The following CEP152 variants were observed in gnomAD, a reference collection of about 807,000 sequenced individuals.
CEP152 encodes centrosomal protein of 152 kDa.
A neutral mutation model predicts 188.9 loss-of-function variants in CEP152; 132 were observed. The observed-to-expected ratio is 0.70, with a 90% CI of 0.61 to 0.81. The LOEUF is 0.81. CEP152 is among the 30% of genes least tolerant of loss of function. The probability of loss-of-function intolerance (pLI) is 0.00; values close to 1 mark genes in which losing one functional copy is unlikely to be tolerated. For synonymous variants in CEP152, 649 were observed against 666.6 expected (o/e 0.97, Z 0.41); for missense variants, 1,914 against 1,969.8 (o/e 0.97, Z 0.54).
intron 21 of CEP152, among the ~76,000 whole-genome samples, chr15:48,748,811 A>T (rs1045228353): frequency 3.4e-4 from 52 of 152,052 alleles, no homozygotes; most frequent in Admixed American, 2.0e-3. Context: ...GACTTGGAGC[A>T]TATTAATTAA....
Position 48,741,630 on chromosome 15 carries a change from C to T in CEP152, c.4064G>A (p.Ser1355Asn), listed in dbSNP as rs980330690. Residue 1355 changes from serine to asparagine, a missense_variant, in exon 26 of 27, where the codon AGT (serine) becomes AAT (asparagine). Coordinates refer to ENST00000380950, the MANE Select transcript of CEP152 (RefSeq NM_001194998.2). ...CTGTGTAGTTTTGCTTTGGGACTTA[C>T]TAGAAATAGGTGTTTCCAGTAATTT... is the stretch of plus-strand genomic sequence containing the variant. ...MAKLLETPIS[S>N]KSQSKTTQSA... The T allele has an allele frequency of 6.2e-7, 1 of 1,614,150 alleles. No individual in the cohort carries two copies.
intron 19 of CEP152, among the ~76,000 whole-genome samples, chr15:48,758,521 C>T (rs558058630): frequency 3.4e-4 from 51 of 152,114 alleles, no homozygotes; most frequent in African/African-American, 1.1e-3. Context: ...GAGTTCAAGA[C>T]CAGCCTGGCC....
At chr15:48,749,285 C>T (rs1893705161) in intron 21 of CEP152, among the ~76,000 whole-genome samples, 1 of 151,858 alleles carries the variant, frequency 6.6e-6, no homozygotes, top group South Asian at 2.1e-4. Context: ...ATGCTTAGTG[C>T]CAACTGGGAT....
chr15:48,789,884 T>C (rs1788286028), intron 8 of CEP152, among the ~76,000 whole-genome samples: 1 of 152,216 alleles, frequency 6.6e-6, no homozygotes, highest in Non-Finnish European at 1.5e-5. Context: ...ACTTCTGACC[T>C]CCAGAACTGT....
rs1555423639 is a variant in CEP152 at position 48,777,494 on chromosome 15, G to GTGTC, written c.1577+3698_1577+3701dup. Among the ~76,000 whole-genome samples the GTGTC allele has an allele frequency of 4.3e-3, 649 of 151,380 alleles. 1 individual carries two copies. Among genetic ancestry groups the GTGTC allele is most frequent in the African/African-American group, 0.015 (620 of 41,238 alleles). On this transcript the variant is annotated intron_variant, in intron 12 of 26. Transcript: ENST00000380950. ...TGTGTGTGTGTGTGTGTGTGTGTGT[G>GTGTC]TGTCTGTGTGTATGGGTGTGCGAGA...
chr15:48,757,491 G>T (rs1021815719), intron 19 of CEP152, among the ~76,000 whole-genome samples: 5 of 152,132 alleles, frequency 3.3e-5, no homozygotes, highest in African/African-American at 1.2e-4. Context: ...AATCTCTTTG[G>T]CACTAACATC....
At position 48,762,464 on chromosome 15, in the gene CEP152, A is replaced by G. The variant is rs929214069; in HGVS notation, c.2489T>C (p.Ile830Thr). The G allele has an allele frequency of 3.1e-6, 5 of 1,613,930 alleles. No homozygotes were observed. The highest frequency in any genetic ancestry group is 3.4e-6 in the Non-Finnish European group (4 of 1,179,968). Residue 830 changes from isoleucine to threonine, a missense_variant, in exon 18 of 27, where the codon ATA becomes ACA. Transcript: ENST00000380950. ...IQQNLEQEKD[I>T]AIKGAMKKLE... ...TTTCTTCATAGCCCCCTTGATGGCTATGTCCTTCTCTTGTTCTAAGTTTTG... is the reference window on the plus strand; with the variant it reads ...TTTCTTCATAGCCCCCTTGATGGCTGTGTCCTTCTCTTGTTCTAAGTTTTG...
intron 9 of CEP152, among the ~76,000 whole-genome samples, chr15:48,788,485 C>T (rs1409726802): frequency 3.3e-5 from 5 of 151,816 alleles, no homozygotes; most frequent in African/African-American, 1.2e-4. Flanking sequence ...AGGCACGCAC[C>T]ACTGCGCCCG....
At chr15:48,749,288 AC>A (rs1268710189) in intron 21 of CEP152, among the ~76,000 whole-genome samples, 1 of 152,082 alleles carries the variant, frequency 6.6e-6, no homozygotes, top group African/African-American at 2.4e-5. Flanking sequence ...CTTAGTGCCA[AC>A]TGGGATAAAT....
chr15:48,736,964 GAGAAGGAGCATTGTATCTTCAGGA>G (rs1892635080), downstream of CEP152, among the ~76,000 whole-genome samples: 1 of 152,160 alleles, frequency 6.6e-6, no homozygotes, highest in African/African-American at 2.4e-5. Flanking sequence ...CTAACTGTTG[GAGAAGGAGCATTGTATCTTCAGGA>G]ATACAAGTGA....
chr15:48,758,288 C>T (rs1181919574), intron 19 of CEP152, among the ~76,000 whole-genome samples: 1 of 152,178 alleles, frequency 6.6e-6, no homozygotes, highest in East Asian at 1.9e-4. Flanking sequence ...ATGGAACCGG[C>T]CCTTTCTGGA....
Position 48,797,318 on chromosome 15 carries a change from G to C in CEP152, c.523C>G (p.Gln175Glu), listed in dbSNP as rs1421902848. The C allele has an allele frequency of 1.9e-6, 3 of 1,613,890 alleles. No individual in the cohort carries two copies. The Admixed American group carries it at 5.0e-5, about 27-fold the overall frequency. Residue 175 changes from glutamine (Q) to glutamate (E), a missense_variant, in exon 5 of 27, where the codon CAA becomes GAA. Coordinates refer to ENST00000380950, the MANE Select transcript of CEP152 (RefSeq NM_001194998.2). The stretch of plus-strand genomic sequence containing the variant: ...TACAATACCTGAAAATGGTTCCATT[G>C]AGGATCTGAAAATTTAATTACATTG... ...ATNVIKFSDP[Q>E]WNHFQGPSCQ...
At chr15:48,794,257 G>C (rs545640124) in intron 6 of CEP152, among the ~76,000 whole-genome samples, 1 of 151,740 alleles carries the variant, frequency 6.6e-6, no homozygotes. Context: ...ACTTTAAAAA[G>C]AGAAAAAAAA....
Position 48,805,535 on chromosome 15 carries a change from CTTTTT to C in CEP152, c.87+23_87+27del, listed in dbSNP as rs372967874. 2.3e-4 allele frequency: 291 copies of C among 1,239,628 alleles called. 1 individual carries two copies. In the Middle Eastern group the frequency reaches 2.6e-3, roughly 11 times the overall value. 76.8% of individuals were successfully genotyped at this position (1,239,628 alleles called of 1,614,324 possible). On this transcript the variant is annotated intron_variant, in intron 2 of 26. Coordinates refer to ENST00000380950, the MANE Select transcript of CEP152 (RefSeq NM_001194998.2). ...TTGTTAAAGATTGGGTTTAGTGTCTCTTTTTTTTTTTTTTTTTAACAACTTACCTC... is the reference window on the plus strand; with the variant it reads ...TTGTTAAAGATTGGGTTTAGTGTCTCTTTTTTTTTTTTAACAACTTACCTC...
chr15:48,744,871 G>A, intron 23 of CEP152, 25 bp downstream of exon 23: 1 of 1,566,208 alleles, frequency 6.4e-7, no homozygotes, highest in Non-Finnish European at 8.7e-7. Flanking sequence ...CTTTAAAATA[G>A]CACTTTAAAA....
At chr15:48,799,570 C>A (rs530427883) in intron 2 of CEP152, among the ~76,000 whole-genome samples, 27 of 152,212 alleles carry the variant, frequency 1.8e-4, no homozygotes, top group African/African-American at 6.5e-4. Flanking sequence ...ATCTTTAAAT[C>A]TTTTAACGCT....
At chr15:48,796,824 T>C (rs980862053) in intron 5 of CEP152, among the ~76,000 whole-genome samples, 1 of 152,188 alleles carries the variant, frequency 6.6e-6, no homozygotes, top group Non-Finnish European at 1.5e-5. Context: ...TCATCCTGTC[T>C]ACTGTTATAT....
rs879363516 is a variant in CEP152 at position 48,788,500 on chromosome 15, A to AT, written c.1173+300dup. Among the ~76,000 whole-genome samples, 1,058 of 140,270 alleles carry AT rather than the reference A, an allele frequency of 7.5e-3. 16 individuals carry two copies. The highest frequency in any genetic ancestry group is 0.023 in the African/African-American group (889 of 38,374). 92.0% of individuals were successfully genotyped at this position (140,270 alleles called of 152,430 possible). A position where few individuals can be genotyped will look rare whatever the true frequency, so the allele number is the denominator to read the frequency against. ...AGGCACGCACCACTGCGCCCGGCTA[A>AT]TTTTTTTTTTTTTTTTGTATTTATA... On this transcript the variant is annotated intron_variant, in intron 9 of 26. Transcript: ENST00000380950.
At chr15:48,777,467 TG>T (rs1895986991) in intron 12 of CEP152, among the ~76,000 whole-genome samples, 1 of 1,956 alleles carries the variant, frequency 5.1e-4, no homozygotes, top group Non-Finnish European at 3.0e-3. Flanking sequence ...CTTAGAATAT[TG>T]TGTGTGTGTG....
Sources: gnomAD v4.1 joint callset for allele counts (sites outside exome capture counted in the v4.1 genomes callset) on GRCh38, gnomAD v4.1.1 for gene constraint, MANE v1.5 for transcripts, NCBI Gene and HGNC (gene_info 2026-07-23, HGNC 2026-07-21) for gene names.